KHDRBS2: variants seen among roughly 807,000 people sequenced by gnomAD.
KHDRBS2 encodes KH RNA binding domain containing, signal transduction associated 2.
KHDRBS2 carries 26 observed loss-of-function variants against 44.3 expected under a neutral mutation model. The ratio of observed to expected loss-of-function variants is 0.59; its 90% CI spans 0.43 to 0.81. The LOEUF is 0.81. KHDRBS2 is among the 40% of genes least tolerant of loss of function. The pLI is 0.00. For missense variants in KHDRBS2, 476 were observed against 433.1 expected, an observed-to-expected ratio of 1.10 and a Z score of -0.88; for synonymous variants, 194 against 151.1, an observed-to-expected ratio of 1.28 and a Z score of -2.08.
intron 1 of KHDRBS2, among the ~76,000 whole-genome samples, chr6:62,177,921 A>G (rs1375261030): frequency 6.6e-6 from 1 of 151,368 alleles, no homozygotes; most frequent in Non-Finnish European, 1.5e-5. Flanking sequence ...AATATTACCA[A>G]ATTCGATATT....
chr6:61,912,081 C>A (rs1286467177), intron 4 of KHDRBS2, among the ~76,000 whole-genome samples: 1 of 151,852 alleles, frequency 6.6e-6, no homozygotes, highest in East Asian at 1.9e-4. Context: ...AGAGAGCAGA[C>A]AAGGGTTAAG....
At chr6:62,216,229 C>T (rs1459363755) in intron 1 of KHDRBS2, among the ~76,000 whole-genome samples, 1 of 151,626 alleles carries the variant, frequency 6.6e-6, no homozygotes, top group Non-Finnish European at 1.5e-5. Context: ...GGATTAGAAT[C>T]ACTGTATGAA....
At chr6:62,107,277 C>A (rs1026082276) in intron 2 of KHDRBS2, among the ~76,000 whole-genome samples, 1 of 152,200 alleles carries the variant, frequency 6.6e-6, no homozygotes, top group Admixed American at 6.5e-5. Flanking sequence ...ATGAAAATCA[C>A]AAGCATTCTT....
chr6:62,160,816 GA>G (rs1307946457), intron 2 of KHDRBS2, among the ~76,000 whole-genome samples: 1 of 152,002 alleles, frequency 6.6e-6, no homozygotes, highest in Non-Finnish European at 1.5e-5. Context: ...AAATTTTGGG[GA>G]AATACATATA....
chr6:62,056,874 A>G lies in KHDRBS2; in HGVS notation c.220-8880T>C, dbSNP rs535217719. Among the ~76,000 whole-genome samples the G allele has an allele frequency of 7.2e-5, 11 of 152,114 alleles. No individual in the cohort carries two copies. In the East Asian group the frequency reaches 1.4e-3, roughly 19 times the overall value. On this transcript the variant is annotated intron_variant, in intron 2 of 8. Transcript: ENST00000281156. ...GTGGTACTTACTTTCAGAATTTTCTATTCTCTGCCTTGATTCTTGCGACAC... is the reference window on the plus strand; with the variant it reads ...GTGGTACTTACTTTCAGAATTTTCTGTTCTCTGCCTTGATTCTTGCGACAC...
the KHDRBS2 span, chr6:61,574,236 C>A: frequency 0.57 from 487,985 of 853,938 alleles, 141,255 homozygotes; most frequent in Admixed American, 0.62. Flanking sequence ...TTAGAGGCAC[C>A]GCCTGCCCAG....
intron 4 of KHDRBS2, among the ~76,000 whole-genome samples, chr6:61,967,053 T>TA (rs141464992): frequency 4.6e-5 from 7 of 151,924 alleles, no homozygotes; most frequent in African/African-American, 1.2e-4. Context: ...GAGATAAATT[T>TA]AAAAAAATAG....
At chr6:61,801,728 CT>C (rs1283130323) in intron 6 of KHDRBS2, among the ~76,000 whole-genome samples, 1 of 152,042 alleles carries the variant, frequency 6.6e-6, no homozygotes, top group Non-Finnish European at 1.5e-5. Flanking sequence ...GCTTTATAGC[CT>C]TATGGTCTTT....
chr6:61,717,363 A>C (rs550599326), intron 7 of KHDRBS2, among the ~76,000 whole-genome samples: 1 of 152,188 alleles, frequency 6.6e-6, no homozygotes, highest in South Asian at 2.1e-4. Flanking sequence ...GAGAGAAAAA[A>C]AACAGTGTTT....
At chr6:61,867,618 C>A (rs1222361450) in intron 6 of KHDRBS2, among the ~76,000 whole-genome samples, 2 of 152,136 alleles carry the variant, frequency 1.3e-5, no homozygotes, top group African/African-American at 4.8e-5. Context: ...TGTTGCTGAT[C>A]TTTGGATGGG....
Position 61,947,245 on chromosome 6 carries a change from G to A in KHDRBS2, c.483+30821C>T, listed in dbSNP as rs186615811. 1.1e-3 allele frequency among the ~76,000 whole-genome samples: 173 copies of A among 152,200 alleles called. 1 individual carries two copies. Among genetic ancestry groups the A allele is most frequent in the African/African-American group, 3.9e-3 (162 of 41,544 alleles). ...GCTCATCAGTCAGTTAATGTGAATT[G>A]GCAATGGAGAAGCTCAACAGAACAC... On this transcript the variant is annotated intron_variant, in intron 4 of 8. Coordinates refer to ENST00000281156, the MANE Select transcript of KHDRBS2 (RefSeq NM_152688.4).
At chr6:61,607,874 G>A in the KHDRBS2 span, among the ~76,000 whole-genome samples, 1 of 152,098 alleles carries the variant, frequency 6.6e-6, no homozygotes, top group Admixed American at 6.6e-5. Context: ...TTTTAGTAGA[G>A]ATTGGGTTTC....
At chr6:61,859,407 A>G (rs1796599000) in intron 6 of KHDRBS2, among the ~76,000 whole-genome samples, 1 of 151,944 alleles carries the variant, frequency 6.6e-6, no homozygotes, top group Admixed American at 6.6e-5. Context: ...TAGGAAATAT[A>G]TATTGTTTAA....
At chr6:61,547,070 C>A in the KHDRBS2 span, among the ~76,000 whole-genome samples, 1 of 152,002 alleles carries the variant, frequency 6.6e-6, no homozygotes, top group East Asian at 1.9e-4. Flanking sequence ...GCCAATGAAC[C>A]TAACGTTCAC....
chr6:62,092,492 G>T (rs1176336853), intron 2 of KHDRBS2, among the ~76,000 whole-genome samples: 1 of 152,128 alleles, frequency 6.6e-6, no homozygotes, highest in African/African-American at 2.4e-5. Context: ...AGTTGGAATG[G>T]TAAGAAGTAA....
the KHDRBS2 span, among the ~76,000 whole-genome samples, chr6:61,602,635 A>G: frequency 6.6e-6 from 1 of 152,132 alleles, no homozygotes; most frequent in Non-Finnish European, 1.5e-5. Flanking sequence ...AGCTTCAGGT[A>G]ACTCTCACAG....
intron 2 of KHDRBS2, among the ~76,000 whole-genome samples, chr6:62,115,890 A>T (rs1806104247): frequency 6.6e-6 from 1 of 152,144 alleles, no homozygotes; most frequent in Non-Finnish European, 1.5e-5. Context: ...CAATATTAAG[A>T]AGCTAATGAA....
At chr6:62,197,117 G>A (rs528370261) in intron 1 of KHDRBS2, among the ~76,000 whole-genome samples, 1 of 152,188 alleles carries the variant, frequency 6.6e-6, no homozygotes, top group Admixed American at 6.5e-5. Flanking sequence ...AAATCTTCTG[G>A]AAAAATTTCA....
rs570929772 is a variant in KHDRBS2, at chr6:61,776,345, T to C, written c.811-43581A>G. 5.2e-3 allele frequency among the ~76,000 whole-genome samples: 797 copies of C among 151,948 alleles called. 8 individuals are homozygous for C. Among genetic ancestry groups the C allele is most frequent in the African/African-American group, 0.019 (766 of 41,386 alleles). On this transcript the variant is annotated intron_variant, in intron 6 of 8. Coordinates refer to ENST00000281156, the MANE Select transcript of KHDRBS2 (RefSeq NM_152688.4). ...ACAGCAAAAGAAACTACCATCAGAG[T>C]GAACAGGCAACCTACAAAATGGGAG...
Sources: allele counts gnomAD v4.1 joint callset (sites outside exome capture counted in the v4.1 genomes callset), GRCh38; gene constraint gnomAD v4.1.1; transcripts MANE v1.5; gene names NCBI Gene and HGNC (gene_info 2026-07-23, HGNC 2026-07-21).